PIGO: variants seen among roughly 807,000 people sequenced by gnomAD.
PIGO encodes the protein phosphatidylinositol glycan anchor biosynthesis class O.
In PIGO, 66 loss-of-function variants were observed where a neutral mutation model predicts 86.9. The observed-to-expected ratio is 0.76, with a 90% CI of 0.62 to 0.93. The LOEUF (loss-of-function observed/expected upper bound fraction) is 0.93, where lower values mean the gene tolerates loss of function less well. Ranked by LOEUF, PIGO falls within the 40% of genes least tolerant of loss-of-function variation. The pLI is 0.00. For missense variants in PIGO, 1,202 were observed against 1,359.1 expected, an observed-to-expected ratio of 0.88 and a Z score of 1.82; for synonymous variants, 570 against 556.4, an observed-to-expected ratio of 1.02 and a Z score of -0.34.
In PIGO at chr9:35,089,087, C is replaced by G; in HGVS notation, c.*5G>C. ...GTAGCCAAGTGCCAGTAATCACAGA[C>G]TAGGCTACCTCTGCTGGGCCAGAAA... On this transcript the variant is annotated 3_prime_UTR_variant, in exon 11 of 11. Transcript: ENST00000378617. 1 of 1,614,128 alleles carries G rather than the reference C, an allele frequency of 6.2e-7. No homozygotes were observed. The highest frequency in any genetic ancestry group is 8.5e-7 in the Non-Finnish European group (1 of 1,180,016).
In PIGO at chr9:35,095,227, A is replaced by T. The variant is rs370330559; in HGVS notation, c.339T>A (p.Ile113=). The change falls in exon 2 of 11, where the codon ATT becomes ATA. Residue 113 remains isoleucine, a synonymous_variant. Transcript: ENST00000378617. Reference sequence around the variant, plus strand: ...GGTAGAGCCGGGCATGGTGGGGCTGAATCTCCAGGATCCTCTGCAAGGAGC... The same window carrying T: ...GGTAGAGCCGGGCATGGTGGGGCTGTATCTCCAGGATCCTCTGCAAGGAGC... ...KLSSLQRILE[I]QPHHARLYRS... is the part of the protein sequence containing the mutation. The T allele has an allele frequency of 1.2e-6, 2 of 1,614,158 alleles. No homozygotes were observed. Among genetic ancestry groups the T allele is most frequent in the South Asian group, 2.2e-5 (2 of 91,086 alleles).
intron 8 of PIGO, 25 bp from the exon 9 acceptor site, chr9:35,090,305 G>T (rs370412169): frequency 3.1e-6 from 5 of 1,605,510 alleles, no homozygotes; most frequent in Non-Finnish European, 4.3e-6. Flanking sequence ...GGTATGGCTG[G>T]AATCAACAGG....
At position 35,091,935 on chromosome 9, in the gene PIGO, G is replaced by C. The variant is rs1441207104; in HGVS notation, c.1952C>G (p.Ser651Cys). 6.2e-7 allele frequency: 1 copy of C among 1,614,114 alleles called. No individual in the cohort carries two copies. Among genetic ancestry groups the C allele is most frequent in the African/African-American group, 1.3e-5 (1 of 74,944 alleles). The change falls in exon 7 of 11, where the codon TCT becomes TGT. Residue 651 changes from serine (S) to cysteine (C), a missense_variant. Physicochemically the swap from Ser to Cys is moderately radical, Grantham distance 112. Transcript: ENST00000378617. The stretch of plus-strand genomic sequence containing the variant: ...GGATGCCAGAGGACTCAGCCAGGGA[G>C]AGGAGTGGCAAACAGGTGTCTCTTC... ...CPEETPVCHS[S>C]PWLSPLASMV...
rs553967471 is a variant in PIGO, at chr9:35,091,013, G to GCTCT, written c.2647+226_2647+227insAGAG. On this transcript the variant is annotated intron_variant, in intron 7 of 10. Coordinates refer to ENST00000378617, the MANE Select transcript of PIGO (RefSeq NM_032634.4). ...CAGCATTTCCACAGGGAGTCTTAGAGGACTCCTTGTCTCTCCTCTCCATGA... is the reference window on the plus strand; with the variant it reads ...CAGCATTTCCACAGGGAGTCTTAGAGCTCTGACTCCTTGTCTCTCCTCTCCATGA... 1.4e-3 allele frequency: 825 copies of GCTCT among 593,240 alleles called. 5 individuals are homozygous for GCTCT. The highest frequency in any genetic ancestry group is 0.013 in the African/African-American group (718 of 53,928). 36.7% of individuals were successfully genotyped at this position (593,240 alleles called of 1,614,324 possible).
chr9:35,092,076 C>T lies in PIGO; in HGVS notation c.1811G>A (p.Arg604His), dbSNP rs144507866. The T allele has an allele frequency of 6.6e-5, 107 of 1,614,190 alleles. 1 individual carries two copies. The East Asian group carries it at 1.8e-3, about 28-fold the overall frequency. Residue 604 changes from arginine to histidine, a missense_variant, in exon 7 of 11, where the codon CGC (arginine) becomes CAC (histidine). Transcript: ENST00000378617. ...GTTTGTTGTGGCTGAAGTGCCAAGG[C>T]GGGGCATTGTGAGTAGCTTAGGTGG... ...LLPPKLLTMP[R>H]LGTSATTNPP...
chr9:35,091,387 C>G lies in PIGO; in HGVS notation c.2500G>C (p.Ala834Pro). 1 of 1,614,208 alleles carries G rather than the reference C, an allele frequency of 6.2e-7. No individual in the cohort carries two copies. The highest frequency in any genetic ancestry group is 1.1e-5 in the South Asian group (1 of 91,088). The change falls in exon 7 of 11, where the codon GCT (alanine) becomes CCT (proline). Residue 834 changes from alanine to proline, a missense_variant. By Grantham distance (27) the Ala-to-Pro change is conservative. Transcript: ENST00000378617. ...AGGGTGAGGGCTGTGACCATAGCAGCTGAGTAGACACTCCCCAACTGATAA... is the reference window on the plus strand; with the variant it reads ...AGGGTGAGGGCTGTGACCATAGCAGGTGAGTAGACACTCCCCAACTGATAA... ...AAYQLGSVYS[A>P]AMVTALTLLA...
intron 2 of PIGO, among the ~76,000 whole-genome samples, chr9:35,094,753 A>G (rs1829588472): frequency 6.6e-6 from 1 of 152,204 alleles, no homozygotes; most frequent in Admixed American, 6.5e-5. Flanking sequence ...TTTTACTGAG[A>G]GGTCTCCAAG....
Position 35,094,210 on chromosome 9 carries a change from G to A in PIGO, c.655+6C>T, listed in dbSNP as rs901654668. On this transcript the variant is annotated splice_donor_region_variant and intron_variant, in intron 3 of 10. Coordinates refer to ENST00000378617, the MANE Select transcript of PIGO (RefSeq NM_032634.4). ...TTAGAACTAAGTGCTCTGGCCCCAT[G>A]CTCACTGGTGGGGTAGAGGTGTTCC... The A allele has an allele frequency of 5.0e-6, 8 of 1,587,592 alleles. No individual in the cohort carries two copies. Among genetic ancestry groups the A allele is most frequent in the Non-Finnish European group, 6.8e-6 (8 of 1,172,632 alleles).
intron 2 of PIGO, among the ~76,000 whole-genome samples, chr9:35,094,634 G>C (rs1318142780): frequency 6.6e-6 from 1 of 151,982 alleles, no homozygotes; most frequent in Non-Finnish European, 1.5e-5. Context: ...GTTTTTCCTG[G>C]GTGTATCCTG....
chr9:35,090,695 T>C (rs1427243486), intron 7 of PIGO, 23 bp from the exon 8 acceptor site: 15 of 1,607,500 alleles, frequency 9.3e-6, no homozygotes, highest in East Asian at 4.5e-5. Context: ...ATATGCCACG[T>C]TACAGTCACT....
chr9:35,089,005 C>T lies in PIGO; in HGVS notation c.*87G>A, dbSNP rs1433779836. The T allele has an allele frequency of 1.3e-6, 2 of 1,561,274 alleles. No homozygotes were observed. Among genetic ancestry groups the T allele is most frequent in the Non-Finnish European group, 1.7e-6 (2 of 1,147,172 alleles). On this transcript the variant is annotated 3_prime_UTR_variant, in exon 11 of 11. Coordinates refer to ENST00000378617, the MANE Select transcript of PIGO (RefSeq NM_032634.4). ...ATAGTAAGAGTATGGCTGAGCCTGT[C>T]TTGCAGATCATCCAGTACCTGTACA... is the stretch of plus-strand genomic sequence containing the variant.
In PIGO at chr9:35,093,500, C is replaced by A; in HGVS notation, c.860G>T (p.Gly287Val). The change falls in exon 5 of 11, where the codon GGA becomes GTA. Residue 287 changes from glycine (G) to valine (V), a missense_variant. Physicochemically the swap from Gly to Val is moderately radical, Grantham distance 109 (BLOSUM62 -3). Transcript: ENST00000378617. Reference sequence around the variant, plus strand: ...TGAGACCTCCAGCTCACTGTCCCCTCCATGGTCTCCATTTGTGGTCATCCC... The same window carrying A: ...TGAGACCTCCAGCTCACTGTCCCCTACATGGTCTCCATTTGTGGTCATCCC... ...DHGMTTNGDH[G>V]GDSELEVSAA... The A allele has an allele frequency of 6.2e-7, 1 of 1,614,144 alleles. No homozygotes were observed.
At chr9:35,092,934 G>A in intron 6 of PIGO, 96 bp downstream of exon 6, 33 of 1,433,466 alleles carry the variant, frequency 2.3e-5, no homozygotes, top group Non-Finnish European at 3.1e-5. Context: ...ATGGAAGGTG[G>A]GACTAAGACT....
At position 35,093,222 on chromosome 9, in the gene PIGO, G is replaced by T; in HGVS notation, c.940-13C>A. ...TCACCTCTGGCTCCTAAAGGAAAAT[G>T]ACAGTGGTCAACAGATTCATCACAA... On this transcript the variant is annotated splice_polypyrimidine_tract_variant and intron_variant, in intron 5 of 10. Coordinates refer to ENST00000378617, the MANE Select transcript of PIGO (RefSeq NM_032634.4). 1.2e-6 allele frequency: 2 copies of T among 1,603,624 alleles called. No individual in the cohort carries two copies. Among genetic ancestry groups the T allele is most frequent in the South Asian group, 1.1e-5 (1 of 90,608 alleles).
In PIGO at chr9:35,090,556, C is replaced by A. The variant is rs756455405; in HGVS notation, c.2764G>T (p.Val922Leu). The A allele has an allele frequency of 6.2e-7, 1 of 1,614,110 alleles. No homozygotes were observed. Among genetic ancestry groups the A allele is most frequent in the African/African-American group, 1.3e-5 (1 of 74,950 alleles). Residue 922 changes from valine to leucine, a missense_variant, in exon 8 of 11, where the codon GTG becomes TTG. Val to Leu is a conservative substitution (Grantham distance 32). Coordinates refer to ENST00000378617, the MANE Select transcript of PIGO (RefSeq NM_032634.4). ...FPAIHWHAAF[V>L]GFPEGHGSCT... ...GAGCCATGACCCTCTGGGAATCCCA[C>A]GAAGGCTGCATGCCAATGGATGGCT...
intron 9 of PIGO, 110 bp from the exon 10 acceptor site, chr9:35,089,560 T>A (rs939997347): frequency 1.3e-6 from 2 of 1,544,434 alleles, no homozygotes; most frequent in East Asian, 4.6e-5. Flanking sequence ...GAATAGTGCA[T>A]GTCAGTGGAA....
Position 35,096,205 on chromosome 9 carries a change from G to A in PIGO, c.-52C>T, listed in dbSNP as rs1010962015. 3.3e-5 allele frequency: 5 copies of A among 152,242 alleles called. No homozygotes were observed. The highest frequency in any genetic ancestry group is 1.2e-4 in the African/African-American group (5 of 41,456). 9.4% of individuals were successfully genotyped at this position (152,242 alleles called of 1,614,324 possible). A position where few individuals can be genotyped will look rare whatever the true frequency, so the allele number is the denominator to read the frequency against. ...GCCAATCTCAATACCCAGTGGAAAG[G>A]GATCGAAGCCGCAGGGGAATCCGGG... is the stretch of plus-strand genomic sequence containing the variant. On this transcript the variant is annotated 5_prime_UTR_variant, in exon 1 of 11. Transcript: ENST00000378617.
chr9:35,090,999 C>T, intron 7 of PIGO: 1 of 581,320 alleles, frequency 1.7e-6, no homozygotes, highest in African/African-American at 1.9e-5. Context: ...AGCATTTCCA[C>T]AGGGAGTCTT....
At chr9:35,089,696 C>T in intron 9 of PIGO, 2 of 1,413,436 alleles carry the variant, frequency 1.4e-6, no homozygotes, top group Non-Finnish European at 9.2e-7. Flanking sequence ...AGGCTGTGCC[C>T]CCAGGATGGA....
Sources: gnomAD v4.1 joint callset for allele counts (sites outside exome capture counted in the v4.1 genomes callset) on GRCh38, gnomAD v4.1.1 for gene constraint, MANE v1.5 for transcripts, NCBI Gene and HGNC (gene_info 2026-07-23, HGNC 2026-07-21) for gene names.